Variants in COX6B1 observed in about 807,000 individuals in gnomAD.
COX6B1 encodes COX VIb-1.
In COX6B1, 2 loss-of-function variants were observed where a neutral mutation model predicts 14.0. That is an observed-to-expected ratio of 0.14 (90% CI 0.06 to 0.45). The LOEUF is 0.45. COX6B1 is among the 20% of genes least tolerant of loss of function. The pLI is 0.98. For synonymous variants in COX6B1, 30 were observed against 39.7 expected (o/e 0.76, Z 0.92); for missense variants, 81 against 114.2 (o/e 0.71, Z 1.33).
At chr19:35,658,146 G>A (rs1479622899) in intron 3 of COX6B1, among the ~76,000 whole-genome samples, 1 of 152,140 alleles carries the variant, frequency 6.6e-6, no homozygotes, top group Non-Finnish European at 1.5e-5. Flanking sequence ...ATTGCACTGT[G>A]TATTGTTTGG....
chr19:35,657,985 T>C (rs1228948247), intron 3 of COX6B1, among the ~76,000 whole-genome samples: 2 of 151,934 alleles, frequency 1.3e-5, no homozygotes, highest in Non-Finnish European at 2.9e-5. Flanking sequence ...GAGATGGGGG[T>C]CTTGCCGTGT....
At chr19:35,655,175 G>A (rs1599622811) in intron 3 of COX6B1, among the ~76,000 whole-genome samples, 1 of 151,990 alleles carries the variant, frequency 6.6e-6, no homozygotes, top group Middle Eastern at 3.4e-3. Context: ...GACTACAGGT[G>A]TGCACCACCA....
chr19:35,653,303 C>T (rs1033220662), intron 2 of COX6B1, among the ~76,000 whole-genome samples: 3 of 149,316 alleles, frequency 2.0e-5, no homozygotes, highest in South Asian at 2.1e-4. Context: ...GACAGAGTCT[C>T]GCTCTGTTGC....
intron 1 of COX6B1, among the ~76,000 whole-genome samples, chr19:35,649,746 C>G (rs1034303758): frequency 3.3e-5 from 5 of 152,014 alleles, no homozygotes; most frequent in Non-Finnish European, 7.4e-5. Flanking sequence ...TCCCAAAGTG[C>G]TGGGATTACA....
At chr19:35,652,287 T>C (rs369790031) in intron 2 of COX6B1, among the ~76,000 whole-genome samples, 32 of 151,944 alleles carry the variant, frequency 2.1e-4, no homozygotes, top group African/African-American at 7.5e-4. Context: ...CGCCTCGGCC[T>C]CCCAAAATGC....
chr19:35,656,604 C>T (rs901901297), intron 3 of COX6B1, among the ~76,000 whole-genome samples: 2 of 151,904 alleles, frequency 1.3e-5, no homozygotes, highest in African/African-American at 4.8e-5. Flanking sequence ...CCTCAGCCTC[C>T]CGAGTGTCTG....
intron 2 of COX6B1, among the ~76,000 whole-genome samples, chr19:35,651,738 A>G (rs1440065007): frequency 6.6e-6 from 1 of 151,786 alleles, no homozygotes; most frequent in African/African-American, 2.4e-5. Flanking sequence ...TACTTGGCTA[A>G]TTTTTTTGTA....
intron 3 of COX6B1, among the ~76,000 whole-genome samples, chr19:35,656,044 G>T (rs4363955): frequency 0.14 from 21,506 of 151,892 alleles, 1,854 homozygotes; most frequent in African/African-American, 0.23. Flanking sequence ...GCCCAGACTG[G>T]TCTCGAACTC....
intron 3 of COX6B1, among the ~76,000 whole-genome samples, chr19:35,656,257 C>G (rs984688167): frequency 3.3e-5 from 5 of 152,162 alleles, no homozygotes; most frequent in African/African-American, 1.2e-4. Flanking sequence ...TTGGAAATAA[C>G]CCAAGTTAAA....
intron 3 of COX6B1, among the ~76,000 whole-genome samples, chr19:35,658,224 C>T (rs150439053): frequency 3.4e-4 from 52 of 152,230 alleles, no homozygotes; most frequent in African/African-American, 7.2e-4. Flanking sequence ...AAATCAGCCT[C>T]GTTTTTTTTC....
At chr19:35,658,134 G>C (rs1967907749) in intron 3 of COX6B1, among the ~76,000 whole-genome samples, 1 of 152,056 alleles carries the variant, frequency 6.6e-6, no homozygotes, top group Admixed American at 6.6e-5. Flanking sequence ...GTCAGTGGTG[G>C]GATTGCACTG....
chr19:35,657,545 G>A (rs1230412042), intron 3 of COX6B1, among the ~76,000 whole-genome samples: 5 of 151,580 alleles, frequency 3.3e-5, no homozygotes, highest in Non-Finnish European at 7.4e-5. Flanking sequence ...GAGCGTGTAT[G>A]TATATAAAAA....
At position 35,653,762 on chromosome 19, in the gene COX6B1, A is replaced by T. The variant is rs551771011; in HGVS notation, c.107-809A>T. On this transcript the variant is annotated intron_variant, in intron 2 of 3. Coordinates refer to ENST00000649813, the MANE Select transcript of COX6B1 (RefSeq NM_001863.5). ...CGCCCAGCTAATTTTTTGTATTTTT[A>T]GTAGAGATGGGGTTTCACCGTGGTC... is the stretch of plus-strand genomic sequence containing the variant. Among the ~76,000 whole-genome samples, 12 of 151,112 alleles carry T rather than the reference A, an allele frequency of 7.9e-5. No homozygotes were observed. The East Asian group carries it at 2.2e-3, about 27-fold the overall frequency.
chr19:35,651,503 T>C (rs1189726179), intron 2 of COX6B1, among the ~76,000 whole-genome samples, 154 bp downstream of exon 2: 1 of 152,198 alleles, frequency 6.6e-6, no homozygotes, highest in Non-Finnish European at 1.5e-5. Context: ...AGGTCCAGGC[T>C]AGGGTTACAA....
chr19:35,651,416 C>T (rs1967823542), intron 2 of COX6B1, 67 bp downstream of exon 2: 1 of 1,183,708 alleles, frequency 8.4e-7, no homozygotes, highest in East Asian at 2.4e-5. Flanking sequence ...CTAGGGGACC[C>T]ATCCACCCCA....
intron 2 of COX6B1, among the ~76,000 whole-genome samples, chr19:35,652,095 T>C (rs917411752): frequency 3.3e-5 from 5 of 151,362 alleles, no homozygotes; most frequent in African/African-American, 1.2e-4. Flanking sequence ...AATGGTGCAA[T>C]CTTGGCTCAC....
At chr19:35,655,120 C>A (rs1009111503) in intron 3 of COX6B1, among the ~76,000 whole-genome samples, 1 of 151,376 alleles carries the variant, frequency 6.6e-6, no homozygotes, top group African/African-American at 2.4e-5. Flanking sequence ...ACCTCCGCCT[C>A]CTGGGTTCAA....
rs1340894700 is a variant in COX6B1, at chr19:35,651,254, A to C, written c.11A>C (p.Asp4Ala). Reference sequence around the variant, plus strand: ...CCAGGATTCAGCACCATGGCGGAAGACATGGAGACCAAAATCAAGAACTAC... The same window carrying C: ...CCAGGATTCAGCACCATGGCGGAAGCCATGGAGACCAAAATCAAGAACTAC... MAE[D>A]METKIKNYKT... Residue 4 changes from aspartate to alanine, a missense_variant, in exon 2 of 4, where the codon GAC becomes GCC. Transcript: ENST00000649813. 6.2e-7 allele frequency: 1 copy of C among 1,613,582 alleles called. No homozygotes were observed. The highest frequency in any genetic ancestry group is 8.5e-7 in the Non-Finnish European group (1 of 1,179,520).
chr19:35,658,644 C>G lies in COX6B1; in HGVS notation c.258C>G (p.Ile86Met), dbSNP rs1219563209. 13 of 1,613,782 alleles carry G rather than the reference C, an allele frequency of 8.1e-6. No homozygotes were observed. Among genetic ancestry groups the G allele is most frequent in the African/African-American group, 1.3e-5 (1 of 74,926 alleles). ...QRAEGTFPGKI is the reference protein window; with the variant it reads ...QRAEGTFPGKM ...CTGAAGGCACGTTTCCCGGGAAGAT[C>G]TGAACTGGCTGCATCTCCCTTTCCT... Residue 86 changes from isoleucine (I) to methionine (M), a missense_variant, in exon 4 of 4, where the codon ATC becomes ATG. Transcript: ENST00000649813.
Sources: allele counts gnomAD v4.1 joint callset (sites outside exome capture counted in the v4.1 genomes callset), GRCh38; gene constraint gnomAD v4.1.1; transcripts MANE v1.5; gene names NCBI Gene and HGNC (gene_info 2026-07-23, HGNC 2026-07-21).